The following TUSC3 variants were observed in gnomAD, a reference collection of about 807,000 sequenced individuals.
The protein encoded by TUSC3 is dolichyl-diphosphooligosaccharide--protein glycosyltransferase subunit TUSC3.
TUSC3 carries 45 observed loss-of-function variants against 44.8 expected under a neutral mutation model. That is an observed-to-expected ratio of 1.00 (90% confidence interval 0.79 to 1.29). The LOEUF is 1.29. Among genes scored for constraint, TUSC3 ranks in the 50% most tolerant of loss-of-function variants. The pLI is 0.00. For synonymous variants in TUSC3, 212 were observed against 152.9 expected (o/e 1.39, Z -2.85); for missense variants, 519 against 437.9 (o/e 1.19, Z -1.65).
intron 2 of TUSC3, among the ~76,000 whole-genome samples, chr8:15,515,651 AAT>A (rs1028240865): frequency 6.6e-6 from 1 of 151,556 alleles, no homozygotes; most frequent in East Asian, 1.9e-4. Context: ...TATGATACAA[AAT>A]ATATATATAT....
chr8:15,481,353 A>T (rs1010680670), intron 1 of TUSC3, among the ~76,000 whole-genome samples: 2 of 151,636 alleles, frequency 1.3e-5, no homozygotes, highest in Non-Finnish European at 2.9e-5. Context: ...TGGATTCATT[A>T]TTGAGGTAGC....
chr8:15,543,844 A>C lies in TUSC3; in HGVS notation c.138+3276A>C, dbSNP rs1027480362. 4.6e-5 allele frequency among the ~76,000 whole-genome samples: 7 copies of C among 150,808 alleles called. No homozygotes were observed. In the East Asian group the frequency reaches 9.8e-4, roughly 21 times the overall value. On this transcript the variant is annotated intron_variant, in intron 1 of 10. Coordinates refer to ENST00000503731, the MANE Select transcript of TUSC3 (RefSeq NM_006765.4). ...AACACCGAGAATTCCAAATTCTCTT[A>C]CGTTGTTTGAAAATTTCCCAGGAAG...
intron 9 of TUSC3, among the ~76,000 whole-genome samples, chr8:15,756,782 C>A (rs781267611): frequency 1.3e-5 from 2 of 152,152 alleles, no homozygotes; most frequent in African/African-American, 2.4e-5. Flanking sequence ...CTGGAGTTGT[C>A]AGGTTGTTCT....
At chr8:15,570,612 T>A (rs184920794) in intron 1 of TUSC3, among the ~76,000 whole-genome samples, 35 of 152,302 alleles carry the variant, frequency 2.3e-4, no homozygotes, top group African/African-American at 7.5e-4. Context: ...ACCATTTATT[T>A]AATATTTGCT....
At chr8:15,624,346 G>GTATTA (rs1805394894) in intron 2 of TUSC3, among the ~76,000 whole-genome samples, 1 of 152,162 alleles carries the variant, frequency 6.6e-6, no homozygotes, top group Non-Finnish European at 1.5e-5. Flanking sequence ...GAGTGTGGTG[G>GTATTA]TTAGGTTGTG....
Position 15,554,245 on chromosome 8 carries a change from AGG to A in TUSC3, c.138+13678_138+13679del, listed in dbSNP as rs766830738. 2.2e-4 allele frequency among the ~76,000 whole-genome samples: 34 copies of A among 151,974 alleles called. 1 individual carries two copies. The highest frequency in any genetic ancestry group is 3.3e-4 in the Admixed American group (5 of 15,230). ...GGGGATACAAACATGCAGACCTAGCAGGTAGGATTTAACTTTCCTAATATTTT... is the reference window on the plus strand; with the variant it reads ...GGGGATACAAACATGCAGACCTAGCATAGGATTTAACTTTCCTAATATTTT... On this transcript the variant is annotated intron_variant, in intron 1 of 10. Transcript: ENST00000503731.
the TUSC3 span, among the ~76,000 whole-genome samples, chr8:15,784,338 T>C: frequency 2.2e-4 from 34 of 152,148 alleles, no homozygotes; most frequent in Middle Eastern, 3.4e-3. Flanking sequence ...ACTTGTGAGA[T>C]TGAAAATAAA....
chr8:15,700,170 A>G (rs1585244727), intron 6 of TUSC3, among the ~76,000 whole-genome samples: 1 of 152,344 alleles, frequency 6.6e-6, no homozygotes, highest in East Asian at 1.9e-4. Flanking sequence ...CTCTGGGTCC[A>G]GAAAGCCAGT....
chr8:15,821,046 A>G, the TUSC3 span, among the ~76,000 whole-genome samples: 1 of 152,060 alleles, frequency 6.6e-6, no homozygotes, highest in African/African-American at 2.4e-5. Context: ...CAACTTGAAA[A>G]TTTTCTTTAG....
At chr8:15,423,681 T>G (rs1368191898) in intron 1 of TUSC3, among the ~76,000 whole-genome samples, 2 of 152,136 alleles carry the variant, frequency 1.3e-5, no homozygotes, top group Non-Finnish European at 2.9e-5. Context: ...TCTCTCTTGA[T>G]CCTCCTAAAG....
intron 6 of TUSC3, among the ~76,000 whole-genome samples, chr8:15,706,725 A>T (rs566117215): frequency 3.9e-4 from 60 of 152,146 alleles, no homozygotes; most frequent in African/African-American, 1.4e-3. Context: ...TATGGGTGAA[A>T]CAAACTGCAT....
chr8:15,768,047 CCAA>C (rs1344227445), downstream of TUSC3, among the ~76,000 whole-genome samples: 2 of 152,090 alleles, frequency 1.3e-5, no homozygotes, highest in Non-Finnish European at 2.9e-5. Context: ...TACACCCAGA[CCAA>C]ACAGGAAGTG....
Position 15,431,085 on chromosome 8 carries a change from G to A in TUSC3, n.91+13780G>A, listed in dbSNP as rs189277975. Among the ~76,000 whole-genome samples, 288 of 151,792 alleles carry A rather than the reference G, an allele frequency of 1.9e-3. 5 individuals carry two copies. The highest frequency in any genetic ancestry group is 6.2e-3 in the African/African-American group (256 of 41,144). ...GAACCGTATTGTTTTAATTACTGTG[G>A]CTTTGTAATATATTTTTGAAATCAG... is the stretch of plus-strand genomic sequence containing the variant. On this transcript the variant is annotated intron_variant and non_coding_transcript_variant, in intron 1 of 5. Transcript: ENST00000503191.
chr8:15,768,216 C>G (rs1033537316), downstream of TUSC3, among the ~76,000 whole-genome samples: 1 of 151,926 alleles, frequency 6.6e-6, no homozygotes, highest in Non-Finnish European at 1.5e-5. Flanking sequence ...TACTGACTGA[C>G]CACTAGGCTA....
chr8:15,553,858 C>T (rs10094191), intron 1 of TUSC3, among the ~76,000 whole-genome samples: 29,560 of 151,560 alleles, frequency 0.2, 3,320 homozygotes, highest in South Asian at 0.24. Flanking sequence ...GAACAGCTGA[C>T]AGCATTAGCC....
chr8:15,638,455 A>G (rs568987957), intron 2 of TUSC3, among the ~76,000 whole-genome samples: 5 of 150,578 alleles, frequency 3.3e-5, no homozygotes, highest in Non-Finnish European at 7.4e-5. Context: ...TGTAGGAGAA[A>G]TTGGAATCTG....
chr8:15,442,259 T>C (rs913051508), intron 1 of TUSC3, among the ~76,000 whole-genome samples: 21 of 152,264 alleles, frequency 1.4e-4, no homozygotes, highest in Middle Eastern at 3.4e-3. Context: ...ATTTTATTTA[T>C]AATTTTAAGT....
chr8:15,847,179 A>T, the TUSC3 span, among the ~76,000 whole-genome samples: 1 of 152,148 alleles, frequency 6.6e-6, no homozygotes, highest in Non-Finnish European at 1.5e-5. Context: ...GAGGCAGGGG[A>T]AGGACTTTGA....
intron 2 of TUSC3, among the ~76,000 whole-genome samples, chr8:15,534,139 G>C (rs1801489566): frequency 6.6e-6 from 1 of 151,976 alleles, no homozygotes; most frequent in Admixed American, 6.6e-5. Context: ...TAGTGAGTTT[G>C]GGGCCTCAAG....
Sources: gnomAD v4.1 joint callset for allele counts (sites outside exome capture counted in the v4.1 genomes callset) on GRCh38, gnomAD v4.1.1 for gene constraint, MANE v1.5 for transcripts, NCBI Gene and HGNC (gene_info 2026-07-23, HGNC 2026-07-21) for gene names.